The following ATP11A variants were observed in gnomAD, a reference collection of about 807,000 sequenced individuals.
The protein encoded by ATP11A is phospholipid-transporting ATPase IH.
Under a neutral mutation model 154.4 loss-of-function variants are expected in ATP11A, and 81 were observed. The ratio of observed to expected loss-of-function variants is 0.52; its 90% CI spans 0.44 to 0.63. The LOEUF (loss-of-function observed/expected upper bound fraction) is 0.63, where lower values mean the gene tolerates loss of function less well. Ranked by LOEUF, ATP11A falls within the 30% of genes least tolerant of loss-of-function variation. ATP11A has a pLI of 0.00. For missense variants in ATP11A, 1,316 were observed against 1,474.3 expected (o/e 0.89, Z 1.76); for synonymous variants, 623 against 585.9 (o/e 1.06, Z -0.91).
intron 1 of ATP11A, among the ~76,000 whole-genome samples, chr13:112,705,308 C>T (rs750616539): frequency 2.3e-4 from 31 of 136,278 alleles, no homozygotes; most frequent in African/African-American, 1.1e-3. Context: ...CCCTCGGCAG[C>T]GAATGACACG....
In ATP11A at chr13:112,862,532, C is replaced by T. The variant is rs1481535704; in HGVS notation, c.2948C>T (p.Ala983Val). Residue 983 changes from alanine to valine, a missense_variant, in exon 25 of 30, where the codon GCT becomes GTT. Transcript: ENST00000375645. The part of the protein sequence containing the change: ...LFDALVFFFG[A>V]YFVFENTTVT... ...GACGCACTGGTGTTCTTCTTTGGTG[C>T]TTATTTCGTGTTTGAAAATACAACT... The T allele has an allele frequency of 6.2e-7, 1 of 1,614,092 alleles. No homozygotes were observed. Among genetic ancestry groups the T allele is most frequent in the East Asian group, 2.2e-5 (1 of 44,898 alleles).
intron 29 of ATP11A, chr13:112,880,336 G>A (rs2080847267): frequency 2.2e-5 from 5 of 226,040 alleles, no homozygotes; most frequent in Non-Finnish European, 4.1e-5. Flanking sequence ...CTGGGCTCGG[G>A]CCCCTCATGG....
intron 1 of ATP11A, among the ~76,000 whole-genome samples, chr13:112,755,955 C>T (rs12865563): frequency 7.5e-6 from 1 of 133,960 alleles, no homozygotes; most frequent in Non-Finnish European, 1.6e-5. Flanking sequence ...TTTCCGGTCA[C>T]GGAAGCGGCA....
intron 5 of ATP11A, among the ~76,000 whole-genome samples, chr13:112,814,146 C>T (rs1382191353): frequency 1.3e-5 from 2 of 152,096 alleles, no homozygotes; most frequent in Non-Finnish European, 2.9e-5. Flanking sequence ...TCACTGCCAC[C>T]TCCACCTCCC....
At position 112,728,878 on chromosome 13, in the gene ATP11A, A is replaced by G. The variant is rs1210738563; in HGVS notation, c.39+38423A>G. On this transcript the variant is annotated intron_variant, in intron 1 of 29. Coordinates refer to ENST00000375645, the MANE Select transcript of ATP11A (RefSeq NM_015205.3). Reference sequence around the variant, plus strand: ...AAATTCAAAGCTAAGAGAAGAATACACAGTGGCTGCTGACCTCTGCTAGCG... The same window carrying G: ...AAATTCAAAGCTAAGAGAAGAATACGCAGTGGCTGCTGACCTCTGCTAGCG... Among the ~76,000 whole-genome samples, 3 of 152,308 alleles carry G rather than the reference A, an allele frequency of 2.0e-5. 1 individual carries two copies. The highest frequency in any genetic ancestry group is 6.8e-3 in the Middle Eastern group (2 of 294).
At chr13:112,836,576 C>T (rs1421204116) in intron 16 of ATP11A, among the ~76,000 whole-genome samples, 2 of 152,208 alleles carry the variant, frequency 1.3e-5, no homozygotes, top group Non-Finnish European at 2.9e-5. Flanking sequence ...CTATCCCCCA[C>T]CCGCTTTTCT....
At chr13:112,762,328 G>A (rs1201143369) in intron 1 of ATP11A, among the ~76,000 whole-genome samples, 3 of 151,986 alleles carry the variant, frequency 2.0e-5, no homozygotes, top group Non-Finnish European at 2.9e-5. Flanking sequence ...TTAGGAAATC[G>A]GTCTCTGAGG....
chr13:112,808,394 G>A (rs567818223), intron 4 of ATP11A, among the ~76,000 whole-genome samples: 38 of 151,986 alleles, frequency 2.5e-4, no homozygotes, highest in Non-Finnish European at 4.4e-4. Context: ...TCTCCCGCGC[G>A]TCCTGCTACC....
chr13:112,723,140 C>A (rs1438710850), intron 1 of ATP11A, among the ~76,000 whole-genome samples: 1 of 151,700 alleles, frequency 6.6e-6, no homozygotes, highest in Non-Finnish European at 1.5e-5. Context: ...TGGCACTGGG[C>A]CCTGTTTATA....
chr13:112,851,927 G>A (rs2079778979), intron 18 of ATP11A: 1 of 152,146 alleles, frequency 6.6e-6, no homozygotes, highest in Non-Finnish European at 1.5e-5. Context: ...CATACTCAAT[G>A]TGTTTATCAT....
At chr13:112,793,411 C>T (rs959094852) in intron 2 of ATP11A, among the ~76,000 whole-genome samples, 2 of 152,190 alleles carry the variant, frequency 1.3e-5, no homozygotes, top group African/African-American at 4.8e-5. Context: ...CATTGTTGGC[C>T]AGGCTGGTCT....
chr13:112,709,364 G>T (rs1034697739), intron 1 of ATP11A, among the ~76,000 whole-genome samples: 3 of 152,190 alleles, frequency 2.0e-5, no homozygotes, highest in African/African-American at 4.8e-5. Flanking sequence ...GCCCTGCAAG[G>T]TCACTTGTGG....
intron 25 of ATP11A, among the ~76,000 whole-genome samples, chr13:112,871,147 G>A (rs563811522): frequency 1.1e-4 from 16 of 152,278 alleles, no homozygotes; most frequent in East Asian, 9.7e-4. Flanking sequence ...GGGTGCCTGG[G>A]GTGTTTCCTC....
intron 29 of ATP11A, chr13:112,880,404 C>T: frequency 1.6e-6 from 1 of 641,350 alleles, no homozygotes; most frequent in Non-Finnish European, 2.1e-6. Flanking sequence ...GCCCTGGCAG[C>T]TCCATGACAC....
intron 1 of ATP11A, among the ~76,000 whole-genome samples, chr13:112,737,650 C>G (rs149107101): frequency 1.4e-3 from 206 of 152,328 alleles, no homozygotes; most frequent in African/African-American, 4.7e-3. Flanking sequence ...CTGCCTTCTC[C>G]TTTTATCTGA....
In ATP11A at chr13:112,873,468, G is replaced by A. The variant is rs9603796; in HGVS notation, c.3058-105G>A. 4,560 of 809,820 alleles carry A rather than the reference G, an allele frequency of 5.6e-3. 227 individuals are homozygous for A. In the African/African-American group the frequency reaches 0.073, roughly 13 times the overall value. 50.2% of individuals were successfully genotyped at this position (809,820 alleles called of 1,614,324 possible). A position where few individuals can be genotyped will look rare whatever the true frequency, so the allele number is the denominator to read the frequency against. On this transcript the variant is annotated intron_variant, in intron 26 of 29. Transcript: ENST00000375645. Reference sequence around the variant, plus strand: ...TTGAGTCGTCATTGCTGGGTCTTGCGTTTGGTTTAGTTTCTCGTCACCCCC... The same window carrying A: ...TTGAGTCGTCATTGCTGGGTCTTGCATTTGGTTTAGTTTCTCGTCACCCCC...
chr13:112,725,201 T>C lies in ATP11A; in HGVS notation c.39+34746T>C, dbSNP rs182975026. On this transcript the variant is annotated intron_variant, in intron 1 of 29. Coordinates refer to ENST00000375645, the MANE Select transcript of ATP11A (RefSeq NM_015205.3). ...GAGCTGACTCAGGCTCGGGCTGGGCTCAAGGCAGTGGGGTGGGGACAGACA... is the reference window on the plus strand; with the variant it reads ...GAGCTGACTCAGGCTCGGGCTGGGCCCAAGGCAGTGGGGTGGGGACAGACA... 1.0e-3 allele frequency among the ~76,000 whole-genome samples: 156 copies of C among 152,270 alleles called. 2 individuals are homozygous for C. The highest frequency in any genetic ancestry group is 3.4e-3 in the African/African-American group (141 of 41,568).
chr13:112,802,172 A>G (rs1017639693), intron 2 of ATP11A, among the ~76,000 whole-genome samples: 53 of 152,118 alleles, frequency 3.5e-4, no homozygotes, highest in African/African-American at 1.1e-3. Flanking sequence ...ATGAAACCCC[A>G]TCTCTACTAA....
chr13:112,873,742 G>A, intron 27 of ATP11A, 66 bp downstream of exon 27: 1 of 1,485,682 alleles, frequency 6.7e-7, no homozygotes, highest in Non-Finnish European at 9.3e-7. Flanking sequence ...TTTATCAAGG[G>A]TTGAAGACAC....
Sources: allele counts gnomAD v4.1 joint callset (sites outside exome capture counted in the v4.1 genomes callset), GRCh38; gene constraint gnomAD v4.1.1; transcripts MANE v1.5; gene names NCBI Gene and HGNC (gene_info 2026-07-23, HGNC 2026-07-21).